The following SUPT20H variants were observed in gnomAD, a reference collection of about 807,000 sequenced individuals.
SUPT20H encodes SPT20 homolog, SAGA complex component, also known as transcription factor SPT20 homolog.
A neutral mutation model predicts 122.8 loss-of-function variants in SUPT20H; 82 were observed. That is an observed-to-expected ratio of 0.67 (90% CI 0.56 to 0.80). SUPT20H has a LOEUF of 0.80. Among genes scored for constraint, SUPT20H ranks in the 30% least tolerant of loss-of-function variants. The pLI, the probability that SUPT20H is intolerant of heterozygous loss-of-function variation, is 0.00. For synonymous variants in SUPT20H, 291 were observed against 313.0 expected, an observed-to-expected ratio of 0.93 and a Z score of 0.74; for missense variants, 831 against 921.6, an observed-to-expected ratio of 0.90 and a Z score of 1.27.
chr13:37,031,222 T>A (rs1426423937), intron 12 of SUPT20H, among the ~76,000 whole-genome samples: 1 of 152,090 alleles, frequency 6.6e-6, no homozygotes, highest in Non-Finnish European at 1.5e-5. Context: ...TTAGGAAATT[T>A]TGATGAAATA....
chr13:37,023,513 C>T (rs2061696328), intron 19 of SUPT20H: 2 of 152,526 alleles, frequency 1.3e-5, no homozygotes, highest in South Asian at 2.1e-4. Flanking sequence ...ATTATCATCA[C>T]ATTTTAGTAA....
chr13:37,030,055 A>T (rs778899209), intron 12 of SUPT20H, among the ~76,000 whole-genome samples: 30 of 152,200 alleles, frequency 2.0e-4, no homozygotes, highest in Non-Finnish European at 4.1e-4. Flanking sequence ...AAACCAAATA[A>T]ATAAGTGTTA....
chr13:37,053,983 T>C (rs1236707999), intron 1 of SUPT20H, among the ~76,000 whole-genome samples: 3 of 152,110 alleles, frequency 2.0e-5, no homozygotes, highest in African/African-American at 4.8e-5. Context: ...GAGAATACTA[T>C]AAACACCTCT....
At chr13:37,025,980 A>C in intron 16 of SUPT20H, 1 of 384,294 alleles carries the variant, frequency 2.6e-6, no homozygotes, top group Non-Finnish European at 4.7e-6. Flanking sequence ...GCTTACAGAT[A>C]TTTTTCTAGA....
At chr13:37,057,408 G>A (rs1452964832) in intron 1 of SUPT20H, among the ~76,000 whole-genome samples, 4 of 151,870 alleles carry the variant, frequency 2.6e-5, no homozygotes, top group South Asian at 4.1e-4. Context: ...ACTACTGGGT[G>A]TCTACACAGC....
At chr13:37,040,729 T>TC (rs1307075156) in intron 7 of SUPT20H, 37 bp from the exon 8 acceptor site, 2 of 1,525,260 alleles carry the variant, frequency 1.3e-6, no homozygotes, top group Non-Finnish European at 1.8e-6. Context: ...CATTTTTTTT[T>TC]CCAAAAGCCT....
Position 37,022,405 on chromosome 13 carries a change from G to A in SUPT20H, c.1592-325C>T. On this transcript the variant is annotated intron_variant, in intron 19 of 25. Coordinates refer to ENST00000350612, the MANE Select transcript of SUPT20H (RefSeq NM_001014286.3). The surrounding 1 kb of genome is among the most constrained non-coding windows in gnomAD (Gnocchi z 4.5). Reference sequence around the variant, plus strand: ...GGTTAATGGAATCTTACTTAGCACTGACAATTTGTTCTAGTTTTTTTTTTT... The same window carrying A: ...GGTTAATGGAATCTTACTTAGCACTAACAATTTGTTCTAGTTTTTTTTTTT... The A allele has an allele frequency of 7.7e-7, 1 of 1,293,044 alleles. No homozygotes were observed. The highest frequency in any genetic ancestry group is 2.9e-5 in the East Asian group (1 of 34,316). The allele number at this position is 1,293,044 out of a possible 1,614,324, so 80.1% of individuals were successfully genotyped here.
intron 7 of SUPT20H, 99 bp downstream of exon 7, chr13:37,043,979 G>A (rs909853061): frequency 2.6e-5 from 17 of 642,458 alleles, no homozygotes; most frequent in East Asian, 1.5e-4. Flanking sequence ...TCATGTAGTC[G>A]TTTATATACA....
chr13:37,017,400 CAT>C (rs2060694517), intron 22 of SUPT20H, 36 bp from the exon 23 acceptor site: 2 of 1,572,394 alleles, frequency 1.3e-6, no homozygotes, highest in Non-Finnish European at 1.7e-6. Context: ...ACCAATTTCA[CAT>C]GATTTTATAT....
At chr13:37,040,311 G>A (rs1209188867) in intron 9 of SUPT20H, 94 bp downstream of exon 9, 2 of 1,117,930 alleles carry the variant, frequency 1.8e-6, no homozygotes, top group South Asian at 3.4e-5. Context: ...CTTAATTATT[G>A]AATAAAAATA....
chr13:37,019,894 AAC>A (rs2061205410), intron 21 of SUPT20H, among the ~76,000 whole-genome samples: 3 of 152,312 alleles, frequency 2.0e-5, no homozygotes, highest in African/African-American at 7.2e-5. Flanking sequence ...TAAAGATCAA[AAC>A]AGAGTCAGGA....
intron 22 of SUPT20H, among the ~76,000 whole-genome samples, chr13:37,019,050 AC>A (rs1593958124): frequency 6.6e-6 from 1 of 152,368 alleles, no homozygotes; most frequent in Non-Finnish European, 1.5e-5. Context: ...TTTTCTAAAT[AC>A]ATCCACTATT....
At chr13:37,020,060 A>G (rs1258547687) in intron 21 of SUPT20H, among the ~76,000 whole-genome samples, 1 of 152,132 alleles carries the variant, frequency 6.6e-6, no homozygotes, top group Non-Finnish European at 1.5e-5. Flanking sequence ...TCTTTTCATA[A>G]TCCTATAAAA....
chr13:37,028,123 G>C (rs1317187813), intron 14 of SUPT20H, 25 bp downstream of exon 14: 4 of 1,502,718 alleles, frequency 2.7e-6, no homozygotes, highest in Non-Finnish European at 3.5e-6. Flanking sequence ...TTTTTTTCCA[G>C]TTACTTGTAT....
intron 17 of SUPT20H, chr13:37,024,896 G>T: frequency 1.2e-5 from 2 of 171,646 alleles, no homozygotes; most frequent in South Asian, 1.3e-4. Context: ...TTAAAAAAAG[G>T]TAAAAGTAGA....
chr13:37,044,264 A>G (rs930629630), intron 6 of SUPT20H, 83 bp from the exon 7 acceptor site: 4 of 1,063,808 alleles, frequency 3.8e-6, no homozygotes, highest in Non-Finnish European at 5.3e-6. Context: ...TCAAAGAACT[A>G]TATATAATAA....
At chr13:37,020,279 T>C (rs966314037) in intron 21 of SUPT20H, among the ~76,000 whole-genome samples, 2 of 152,058 alleles carry the variant, frequency 1.3e-5, no homozygotes, top group African/African-American at 4.8e-5. Flanking sequence ...GAAACTGAAA[T>C]TTGGCAAAAA....
At chr13:37,021,196 T>C (rs541425439) in intron 21 of SUPT20H, among the ~76,000 whole-genome samples, 3 of 152,180 alleles carry the variant, frequency 2.0e-5, no homozygotes, top group African/African-American at 7.2e-5. Context: ...AAAATTAATT[T>C]TGTTATTTGG....
chr13:37,022,153 G>T lies in SUPT20H; in HGVS notation c.1592-73C>A. 1 of 1,613,920 alleles carries T rather than the reference G, an allele frequency of 6.2e-7. No individual in the cohort carries two copies. The highest frequency in any genetic ancestry group is 8.5e-7 in the Non-Finnish European group (1 of 1,179,938). On this transcript the variant is annotated intron_variant, in intron 19 of 25. Transcript: ENST00000350612. This position sits in a 1 kb window ranked among gnomAD's most constrained non-coding sequence, Gnocchi z 4.5. Reference sequence around the variant, plus strand: ...GGCATTGCCTGGCTCAGAGACCTTTGCTGCTGAGCAAACTGAGTTAACAAA... The same window carrying T: ...GGCATTGCCTGGCTCAGAGACCTTTTCTGCTGAGCAAACTGAGTTAACAAA...
Sources: gnomAD v4.1 joint callset for allele counts (sites outside exome capture counted in the v4.1 genomes callset) on GRCh38, gnomAD v4.1.1 for gene constraint, Gnocchi (gnomAD v3.1) non-coding constraint, MANE v1.5 for transcripts, NCBI Gene and HGNC (gene_info 2026-07-23, HGNC 2026-07-21) for gene names.